Variants in CACNA1I observed in about 807,000 individuals in gnomAD.
CACNA1I encodes the protein calcium voltage-gated channel subunit alpha1 I, also known as voltage-dependent T-type calcium channel subunit alpha-1I.
Under a neutral mutation model 201.6 loss-of-function variants are expected in CACNA1I, and 74 were observed. The observed-to-expected ratio is 0.37, with a 90% CI of 0.30 to 0.45. The LOEUF (loss-of-function observed/expected upper bound fraction) is 0.45. Among genes scored for constraint, CACNA1I ranks in the 20% least tolerant of loss-of-function variants. The pLI, the probability that CACNA1I is intolerant of heterozygous loss-of-function variation, is 1.00. For synonymous variants in CACNA1I, 1,431 were observed against 1,345.2 expected (o/e 1.06, Z -1.40); for missense variants, 2,346 against 3,138.1 (o/e 0.75, Z 6.03).
At chr22:39,619,470 G>A in intron 4 of CACNA1I, 63 bp downstream of exon 4, 1 of 1,290,644 alleles carries the variant, frequency 7.7e-7, no homozygotes, top group Non-Finnish European at 1.1e-6. Flanking sequence ...ACCCATCCCT[G>A]GCCTACCTAG....
At position 39,629,497 on chromosome 22, in the gene CACNA1I, C is replaced by T. The variant is rs1379674649; in HGVS notation, c.581-5068C>T. Among the ~76,000 whole-genome samples the T allele has an allele frequency of 1.3e-5, 2 of 151,808 alleles. No individual in the cohort carries two copies. The highest frequency in any genetic ancestry group is 6.6e-5 in the Admixed American group (1 of 15,258). ...CCATCATTATCTGGGCCCAGCCCCA[C>T]CATCTTCCGGTTTATCACAATGATG... On this transcript the variant is annotated intron_variant, in intron 4 of 36. Coordinates refer to ENST00000402142, the MANE Select transcript of CACNA1I (RefSeq NM_021096.4). The surrounding 1 kb of genome is among the most constrained non-coding windows in gnomAD (Gnocchi z 4.8).
chr22:39,583,637 A>G (rs1932654307), intron 1 of CACNA1I, among the ~76,000 whole-genome samples: 1 of 152,204 alleles, frequency 6.6e-6, no homozygotes, highest in African/African-American at 2.4e-5. Flanking sequence ...CCATCAATCC[A>G]TCCACTCATC....
intron 3 of CACNA1I, among the ~76,000 whole-genome samples, chr22:39,608,568 G>C (rs1241917861): frequency 6.6e-6 from 1 of 152,146 alleles, no homozygotes; most frequent in Non-Finnish European, 1.5e-5. Context: ...GCTGAGTGCA[G>C]TGGCTCTTGC....
At chr22:39,596,509 T>C (rs201115601) in intron 1 of CACNA1I, among the ~76,000 whole-genome samples, 156 of 7,576 alleles carry the variant, frequency 0.021, no homozygotes, top group Middle Eastern at 0.062. Context: ...GGGGGCAGGG[T>C]GGAGAGAGAT....
chr22:39,638,840 A>G (rs1934286331), intron 5 of CACNA1I, among the ~76,000 whole-genome samples: 1 of 152,164 alleles, frequency 6.6e-6, no homozygotes, highest in Admixed American at 6.5e-5. Flanking sequence ...TCCACCTCAG[A>G]TCATCAGGCA....
At chr22:39,680,004 T>C (rs1935653046) in intron 33 of CACNA1I, 136 bp downstream of exon 33, 2 of 878,374 alleles carry the variant, frequency 2.3e-6, no homozygotes, top group Non-Finnish European at 1.7e-6. Flanking sequence ...GTAGCTTCCA[T>C]GGCTGGGGCA....
In CACNA1I at chr22:39,634,733, A is replaced by G; in HGVS notation, c.740+9A>G. ...GAGGAGAACTTCACCATGTGAGTTC[A>G]TCCCCTGCCACCCATGCAGCTCCGG... is the stretch of plus-strand genomic sequence containing the variant. On this transcript the variant is annotated intron_variant, in intron 5 of 36. Transcript: ENST00000402142. 1 of 1,611,002 alleles carries G rather than the reference A, an allele frequency of 6.2e-7. No individual in the cohort carries two copies. The highest frequency in any genetic ancestry group is 8.5e-7 in the Non-Finnish European group (1 of 1,177,780).
chr22:39,583,256 C>T (rs1177749044), intron 1 of CACNA1I, among the ~76,000 whole-genome samples: 2 of 151,982 alleles, frequency 1.3e-5, no homozygotes, highest in Admixed American at 6.6e-5. Flanking sequence ...ATTCATCAAT[C>T]CAACTGTCCA....
intron 1 of CACNA1I, among the ~76,000 whole-genome samples, chr22:39,597,710 G>A (rs947122665): frequency 2.0e-5 from 3 of 152,246 alleles, no homozygotes; most frequent in South Asian, 2.1e-4. Context: ...GGCCCTCTGC[G>A]GGCTCCAGAC....
chr22:39,679,063 G>C, intron 31 of CACNA1I, 44 bp from the exon 32 acceptor site: 1 of 1,463,732 alleles, frequency 6.8e-7, no homozygotes, highest in Non-Finnish European at 9.2e-7. Context: ...AGCAGCCTCT[G>C]GGATGTCTCC....
In CACNA1I at chr22:39,673,884, A is replaced by G. The variant is rs1935443500; in HGVS notation, c.4784-79A>G. 2.9e-6 allele frequency: 4 copies of G among 1,358,354 alleles called. No homozygotes were observed. The African/African-American group carries it at 5.7e-5, about 19-fold the overall frequency. 84.1% of individuals were successfully genotyped at this position (1,358,354 alleles called of 1,614,324 possible). A position where few individuals can be genotyped will look rare whatever the true frequency, so the allele number is the denominator to read the frequency against. On this transcript the variant is annotated intron_variant, in intron 28 of 36. Transcript: ENST00000402142. Reference sequence around the variant, plus strand: ...CTTCATGTTCTCTTCTCCCAAGTTTACACACGTGCACACATGCGTGCACAC... The same window carrying G: ...CTTCATGTTCTCTTCTCCCAAGTTTGCACACGTGCACACATGCGTGCACAC...
At position 39,647,872 on chromosome 22, in the gene CACNA1I, C is replaced by T. The variant is rs57732048; in HGVS notation, c.1513C>T (p.His505Tyr). 1 of 1,613,544 alleles carries T rather than the reference C, an allele frequency of 6.2e-7. No individual in the cohort carries two copies. Among genetic ancestry groups the T allele is most frequent in the African/African-American group, 1.3e-5 (1 of 74,918 alleles). ...TGAAGGGAGACATCTCGGAAGCCGG[C>T]ATTGCCAGACTTTGCATGGGCCTGC... ...GDEGRHLGSRHCQTLHGPASP... is the reference protein window; with the variant it reads ...GDEGRHLGSRYCQTLHGPASP... Residue 505 changes from histidine (H) to tyrosine (Y), a missense_variant, in exon 9 of 37, where the codon CAT becomes TAT. This residue lies in a region of CACNA1I where 312 missense variants were observed against 331.5 expected (regional missense o/e 0.94). Transcript: ENST00000402142.
chr22:39,679,170 C>T lies in CACNA1I; in HGVS notation c.5119C>T (p.Pro1707Ser). The stretch of plus-strand genomic sequence containing the variant: ...CCTGAGCAGCCTGCAGTTTGTGTCG[C>T]CGCTGTACTTCGTGAGCTTCGTGCT... Reference protein sequence around the residue: ...SCLSSLQFVSPLYFVSFVLTA... With the variant: ...SCLSSLQFVSSLYFVSFVLTA... The change falls in exon 32 of 37, where the codon CCG becomes TCG. Residue 1707 changes from proline (P) to serine (S), a missense_variant. Physicochemically the swap from Pro to Ser is moderately conservative, Grantham distance 74. Around this residue, in one of 13 missense-constraint regions of CACNA1I, gnomAD observed 64 missense variants for 131.8 expected, o/e 0.49. Coordinates refer to ENST00000402142, the MANE Select transcript of CACNA1I (RefSeq NM_021096.4). The T allele has an allele frequency of 6.3e-7, 1 of 1,592,322 alleles. No homozygotes were observed. The highest frequency in any genetic ancestry group is 8.5e-7 in the Non-Finnish European group (1 of 1,170,638).
Position 39,659,018 on chromosome 22 carries a change from C to T in CACNA1I, c.2232C>T (p.Phe744=). The change falls in exon 12 of 37, where the codon TTC becomes TTT. Residue 744 remains phenylalanine (F), a synonymous_variant. Transcript: ENST00000402142. This position sits in a 1 kb window ranked among gnomAD's most constrained non-coding sequence, Gnocchi z 4.3. The part of the protein sequence containing the change: ...RLLRVLKLVR[F]MPALRRQLVV... Reference sequence around the variant, plus strand: ...TGCGCGTGCTGAAACTGGTGCGCTTCATGCCTGCCCTGCGGCGCCAGCTCG... The same window carrying T: ...TGCGCGTGCTGAAACTGGTGCGCTTTATGCCTGCCCTGCGGCGCCAGCTCG... 1 of 1,612,452 alleles carries T rather than the reference C, an allele frequency of 6.2e-7. No homozygotes were observed. The highest frequency in any genetic ancestry group is 8.5e-7 in the Non-Finnish European group (1 of 1,179,504).
At chr22:39,594,756 G>A (rs936511528) in intron 1 of CACNA1I, among the ~76,000 whole-genome samples, 1 of 151,936 alleles carries the variant, frequency 6.6e-6, no homozygotes, top group African/African-American at 2.4e-5. Flanking sequence ...AGGGGTGAGG[G>A]GTTTGCTTGG....
chr22:39,650,442 A>C (rs1030715823), intron 10 of CACNA1I, among the ~76,000 whole-genome samples: 2 of 152,156 alleles, frequency 1.3e-5, no homozygotes, highest in African/African-American at 4.8e-5. Flanking sequence ...AGGTGCCACC[A>C]AGCCTGGCCA....
intron 4 of CACNA1I, among the ~76,000 whole-genome samples, chr22:39,626,223 A>G (rs760693754): frequency 6.6e-6 from 1 of 152,216 alleles, no homozygotes; most frequent in Non-Finnish European, 1.5e-5. Context: ...CTATTTCCCC[A>G]GCTCTCAAGA....
intron 5 of CACNA1I, among the ~76,000 whole-genome samples, chr22:39,636,173 C>T (rs905589009): frequency 2.0e-5 from 3 of 152,310 alleles, no homozygotes; most frequent in Non-Finnish European, 2.9e-5. Flanking sequence ...CTAGGCCTGG[C>T]GTGTTGGAGA....
intron 29 of CACNA1I, among the ~76,000 whole-genome samples, chr22:39,675,996 G>T (rs965340894): frequency 2.6e-5 from 4 of 152,220 alleles, no homozygotes; most frequent in African/African-American, 9.6e-5. Context: ...GACAAGGAAG[G>T]CTGCAGCCGA....
Sources: allele counts gnomAD v4.1 joint callset (sites outside exome capture counted in the v4.1 genomes callset), GRCh38; gene constraint gnomAD v4.1.1; regional missense constraint gnomAD v4.1.1; non-coding constraint Gnocchi (gnomAD v3.1); transcripts MANE v1.5; gene names NCBI Gene and HGNC (gene_info 2026-07-23, HGNC 2026-07-21).